PPFIBP1: variants seen among roughly 807,000 people sequenced by gnomAD.
The protein encoded by PPFIBP1 is liprin-beta-1.
Under a neutral mutation model 137.8 loss-of-function variants are expected in PPFIBP1, and 112 were observed. The ratio of observed to expected loss-of-function variants is 0.81; its 90% CI spans 0.70 to 0.95. The LOEUF (loss-of-function observed/expected upper bound fraction) is 0.95. Ranked by LOEUF, PPFIBP1 falls within the 40% of genes least tolerant of loss-of-function variation. The pLI is 0.00. For synonymous variants in PPFIBP1, 378 were observed against 417.3 expected (o/e 0.91, Z 1.15); for missense variants, 1,083 against 1,196.6 (o/e 0.91, Z 1.40).
chr12:27,546,549 T>A (rs1946258604), intron 1 of PPFIBP1, among the ~76,000 whole-genome samples: 1 of 152,146 alleles, frequency 6.6e-6, no homozygotes, highest in Non-Finnish European at 1.5e-5. Context: ...TGCCAGGTAG[T>A]TCCCTTGAAG....
At position 27,599,092 on chromosome 12, in the gene PPFIBP1, G is replaced by A. The variant is rs1261074737; in HGVS notation, c.-36+20853G>A. Among the ~76,000 whole-genome samples the A allele has an allele frequency of 3.9e-5, 6 of 152,208 alleles. No homozygotes were observed. The East Asian group carries it at 7.7e-4, about 20-fold the overall frequency. ...ATACAGAGTAGGAAGTTTCTAATTT[G>A]GAAGTTAAGCTGTTATGATGCTTAA... On this transcript the variant is annotated intron_variant, in intron 2 of 29. Coordinates refer to ENST00000228425, the MANE Select transcript of PPFIBP1 (RefSeq NM_003622.4).
intron 2 of PPFIBP1, among the ~76,000 whole-genome samples, chr12:27,615,680 T>C (rs922825107): frequency 3.9e-5 from 6 of 152,232 alleles, no homozygotes; most frequent in African/African-American, 1.4e-4. Context: ...AAATGAAGCC[T>C]GGAAAATTTG....
At chr12:27,575,565 A>G (rs2050487025) in intron 1 of PPFIBP1, among the ~76,000 whole-genome samples, 1 of 152,184 alleles carries the variant, frequency 6.6e-6, no homozygotes, top group African/African-American at 2.4e-5. Flanking sequence ...GGAATTTGAG[A>G]CCTGAGGTTG....
At chr12:27,618,960 C>T (rs1272769553) in intron 2 of PPFIBP1, among the ~76,000 whole-genome samples, 1 of 152,112 alleles carries the variant, frequency 6.6e-6, no homozygotes, top group East Asian at 1.9e-4. Flanking sequence ...TTTTCCTTAG[C>T]CAAGTATAAC....
At chr12:27,584,684 T>G (rs925689167) in intron 2 of PPFIBP1, among the ~76,000 whole-genome samples, 1 of 152,196 alleles carries the variant, frequency 6.6e-6, no homozygotes, top group Non-Finnish European at 1.5e-5. Context: ...CAGACCAATG[T>G]TTTTAAATAG....
intron 1 of PPFIBP1, among the ~76,000 whole-genome samples, chr12:27,564,424 C>T (rs1417608480): frequency 6.6e-6 from 1 of 152,152 alleles, no homozygotes; most frequent in Non-Finnish European, 1.5e-5. Flanking sequence ...TCTCTGAGCC[C>T]TTTTCATTAT....
At chr12:27,600,125 A>G (rs538360028) in intron 2 of PPFIBP1, among the ~76,000 whole-genome samples, 2 of 152,112 alleles carry the variant, frequency 1.3e-5, no homozygotes, top group Non-Finnish European at 2.9e-5. Flanking sequence ...TGTAAGTCTA[A>G]AATTAGGTCA....
At chr12:27,576,209 G>A (rs1453671312) in intron 1 of PPFIBP1, among the ~76,000 whole-genome samples, 2 of 151,952 alleles carry the variant, frequency 1.3e-5, no homozygotes, top group African/African-American at 2.4e-5. Flanking sequence ...TAGAACATAG[G>A]TTTTTGTCTT....
intron 2 of PPFIBP1, among the ~76,000 whole-genome samples, chr12:27,624,319 T>C (rs2056617712): frequency 6.6e-6 from 1 of 152,234 alleles, no homozygotes; most frequent in Non-Finnish European, 1.5e-5. Context: ...CTCCGTGTAG[T>C]CATAACAATA....
chr12:27,629,302 T>C (rs1235842478), intron 2 of PPFIBP1, among the ~76,000 whole-genome samples: 2 of 152,220 alleles, frequency 1.3e-5, no homozygotes, highest in Non-Finnish European at 2.9e-5. Flanking sequence ...CCTGACAAGC[T>C]TTAAAGACCA....
intron 10 of PPFIBP1, 132 bp downstream of exon 10, chr12:27,658,980 C>G (rs1269094890): frequency 1.2e-6 from 1 of 823,648 alleles, no homozygotes; most frequent in African/African-American, 1.7e-5. Flanking sequence ...CCCTCCATTT[C>G]TTCAGAGTGT....
At chr12:27,637,357 A>G (rs538305039) in intron 4 of PPFIBP1, 1 of 152,316 alleles carries the variant, frequency 6.6e-6, no homozygotes, top group East Asian at 1.9e-4. Flanking sequence ...TTGGATGGGT[A>G]ATGGCTTGTT....
chr12:27,662,610 C>A (rs1054205499), intron 11 of PPFIBP1, among the ~76,000 whole-genome samples: 3 of 152,094 alleles, frequency 2.0e-5, no homozygotes, highest in African/African-American at 4.8e-5. Flanking sequence ...GAGAAAATTT[C>A]TGGTTTGGGC....
chr12:27,531,982 G>A (rs1224198255), intron 1 of PPFIBP1, among the ~76,000 whole-genome samples: 2 of 152,184 alleles, frequency 1.3e-5, no homozygotes, highest in African/African-American at 4.8e-5. Context: ...TACTAGCTGT[G>A]TGATTTTGGT....
intron 1 of PPFIBP1, among the ~76,000 whole-genome samples, chr12:27,571,383 A>G (rs1425770927): frequency 6.6e-6 from 1 of 152,202 alleles, no homozygotes; most frequent in Non-Finnish European, 1.5e-5. Context: ...AGCATTGTCA[A>G]TTGCCAATTT....
At chr12:27,674,107 T>G in intron 16 of PPFIBP1, 85 bp from the exon 17 acceptor site, 1 of 1,054,668 alleles carries the variant, frequency 9.5e-7, no homozygotes, top group Non-Finnish European at 1.4e-6. Flanking sequence ...AAAATTATTT[T>G]AACTTATGGA....
chr12:27,662,153 C>T (rs1400803704), intron 11 of PPFIBP1, among the ~76,000 whole-genome samples: 2 of 152,088 alleles, frequency 1.3e-5, no homozygotes, highest in Non-Finnish European at 2.9e-5. Context: ...TGAGCAAATT[C>T]TGGGGAAGAG....
chr12:27,619,508 C>T (rs529198298), intron 2 of PPFIBP1, among the ~76,000 whole-genome samples: 2 of 152,200 alleles, frequency 1.3e-5, no homozygotes, highest in South Asian at 4.2e-4. Context: ...TAATGACTCA[C>T]CCAGAAGATA....
At chr12:27,543,880 C>CT (rs35787446) in intron 1 of PPFIBP1, among the ~76,000 whole-genome samples, 73,308 of 105,886 alleles carry the variant, frequency 0.69, 26,082 homozygotes, top group African/African-American at 0.71. Context: ...CCCGCCCCTG[C>CT]TTTTTTTTTT....
Sources: gnomAD v4.1 joint callset for allele counts (sites outside exome capture counted in the v4.1 genomes callset) on GRCh38, gnomAD v4.1.1 for gene constraint, MANE v1.5 for transcripts, NCBI Gene and HGNC (gene_info 2026-07-23, HGNC 2026-07-21) for gene names.